Variants in LRP1B observed in about 807,000 individuals in gnomAD.
The protein encoded by LRP1B is low-density lipoprotein receptor-related protein 1B.
A neutral mutation model predicts 556.6 loss-of-function variants in LRP1B; 217 were observed. The observed-to-expected ratio is 0.39, with a 90% CI of 0.35 to 0.44. The LOEUF is 0.44. Among genes scored for constraint, LRP1B ranks in the 20% least tolerant of loss-of-function variants. LRP1B has a pLI of 1.00. For missense variants in LRP1B, 5,053 were observed against 5,620.8 expected (o/e 0.90, Z 3.23); for synonymous variants, 2,047 against 1,865.8 (o/e 1.10, Z -2.50).
rs1319820276 is a variant in LRP1B, at chr2:141,376,434, G to A, written c.343+103962C>T. Among the ~76,000 whole-genome samples the A allele has an allele frequency of 2.6e-5, 4 of 152,170 alleles. No homozygotes were observed. The East Asian group carries it at 7.8e-4, about 30-fold the overall frequency. ...GCCACAAATCCTCTCCTTACTTCTG[G>A]TGCTTCCCATCACTTCTCTGGTGTA... is the stretch of plus-strand genomic sequence containing the variant. On this transcript the variant is annotated intron_variant, in intron 3 of 90. Coordinates refer to ENST00000389484, the MANE Select transcript of LRP1B (RefSeq NM_018557.3).
At position 140,705,547 on chromosome 2, in the gene LRP1B, A is replaced by C. The variant is rs1301510552; in HGVS notation, c.6024-2994T>G. Reference sequence around the variant, plus strand: ...AAAAAAAAAAAAAAAAAAAAAAAAAAAAAAAAAAAAAAACACAGACACACA... The same window carrying C: ...AAAAAAAAAAAAAAAAAAAAAAAAACAAAAAAAAAAAAACACAGACACACA... On this transcript the variant is annotated intron_variant, in intron 37 of 90. Coordinates refer to ENST00000389484, the MANE Select transcript of LRP1B (RefSeq NM_018557.3). Among the ~76,000 whole-genome samples the C allele has an allele frequency of 7.3e-4, 102 of 139,552 alleles. 1 individual carries two copies. The highest frequency in any genetic ancestry group is 1.9e-3 in the African/African-American group (76 of 39,032). 91.6% of individuals were successfully genotyped at this position (139,552 alleles called of 152,430 possible). A position where few individuals can be genotyped will look rare whatever the true frequency, so the allele number is the denominator to read the frequency against.
At chr2:140,366,346 T>C (rs1682759844) in intron 71 of LRP1B, among the ~76,000 whole-genome samples, 2 of 151,658 alleles carry the variant, frequency 1.3e-5, no homozygotes, top group Non-Finnish European at 1.5e-5. Flanking sequence ...ATTTGGTAGA[T>C]GGTATTGTTC....
intron 68 of LRP1B, among the ~76,000 whole-genome samples, chr2:140,376,132 A>G (rs1392985364): frequency 1.3e-5 from 2 of 152,126 alleles, no homozygotes; most frequent in Non-Finnish European, 2.9e-5. Context: ...TGACTTTACT[A>G]CAATTAATTT....
intron 67 of LRP1B, among the ~76,000 whole-genome samples, chr2:140,383,316 G>T (rs1558844352): frequency 2.0e-5 from 3 of 151,986 alleles, no homozygotes; most frequent in Admixed American, 1.3e-4. Context: ...GTGTGTGTGT[G>T]TGTGTGTTTA....
chr2:141,836,871 T>C (rs1383488316), intron 1 of LRP1B, among the ~76,000 whole-genome samples: 1 of 152,040 alleles, frequency 6.6e-6, no homozygotes, highest in Non-Finnish European at 1.5e-5. Flanking sequence ...AGATTTTCCA[T>C]ATCTTTAGAT....
At chr2:140,746,007 T>G (rs972555021) in intron 35 of LRP1B, among the ~76,000 whole-genome samples, 1 of 150,398 alleles carries the variant, frequency 6.6e-6, no homozygotes, top group East Asian at 2.0e-4. Context: ...ACAAGTAACC[T>G]CTCTGAGCCT....
At chr2:140,322,837 A>C (rs961492917) in intron 81 of LRP1B, among the ~76,000 whole-genome samples, 11 of 152,082 alleles carry the variant, frequency 7.2e-5, no homozygotes, top group South Asian at 6.2e-4. Flanking sequence ...AAGAACCACT[A>C]CTCAAATGCC....
intron 87 of LRP1B, among the ~76,000 whole-genome samples, chr2:140,242,878 A>T (rs1002269516): frequency 6.6e-6 from 1 of 151,102 alleles, no homozygotes; most frequent in Non-Finnish European, 1.5e-5. Flanking sequence ...TTTCTTTTTA[A>T]AAGGATGATG....
rs185010587 is a variant in LRP1B at position 141,890,909 on chromosome 2, G to A, written c.83-80508C>T. Among the ~76,000 whole-genome samples, 14 of 152,182 alleles carry A rather than the reference G, an allele frequency of 9.2e-5. No homozygotes were observed. In the East Asian group the frequency reaches 2.7e-3, roughly 29 times the overall value. On this transcript the variant is annotated intron_variant, in intron 1 of 90. Coordinates refer to ENST00000389484, the MANE Select transcript of LRP1B (RefSeq NM_018557.3). ...TGCATTATTACAAAATGCTGGCTAT[G>A]GGATTTTCTCTGCAAGCAACCCCAT...
Position 141,959,368 on chromosome 2 carries a change from A to T in LRP1B, c.83-148967T>A, listed in dbSNP as rs145747857. 2.9e-3 allele frequency among the ~76,000 whole-genome samples: 435 copies of T among 152,098 alleles called. 3 individuals are homozygous for T. Among genetic ancestry groups the T allele is most frequent in the African/African-American group, 0.01 (418 of 41,536 alleles). ...TACTCAAATACTAATATTGTCACATACTAATGAAATAAAGAGCTTTGCTTC... is the reference window on the plus strand; with the variant it reads ...TACTCAAATACTAATATTGTCACATTCTAATGAAATAAAGAGCTTTGCTTC... On this transcript the variant is annotated intron_variant, in intron 1 of 90. Transcript: ENST00000389484.
At chr2:140,357,093 T>G (rs1401214783) in intron 74 of LRP1B, among the ~76,000 whole-genome samples, 1 of 151,760 alleles carries the variant, frequency 6.6e-6, no homozygotes, top group African/African-American at 2.4e-5. Context: ...AGTTGCAATT[T>G]TATTACTTTA....
At chr2:140,371,787 T>C (rs1683012176) in intron 69 of LRP1B, among the ~76,000 whole-genome samples, 1 of 152,018 alleles carries the variant, frequency 6.6e-6, no homozygotes, top group South Asian at 2.1e-4. Context: ...ATCTATTTGG[T>C]TGCATTGACA....
chr2:140,496,481 T>A (rs998754035), intron 55 of LRP1B, among the ~76,000 whole-genome samples: 2 of 152,292 alleles, frequency 1.3e-5, no homozygotes, highest in Non-Finnish European at 2.9e-5. Flanking sequence ...AGATGTTTTT[T>A]ATCTTAATAA....
chr2:141,627,605 T>C (rs1688748253), intron 2 of LRP1B, among the ~76,000 whole-genome samples: 1 of 152,184 alleles, frequency 6.6e-6, no homozygotes, highest in African/African-American at 2.4e-5. Flanking sequence ...CTAGGTTGCA[T>C]ACTCCTTATG....
chr2:140,837,301 A>C (rs939236360), intron 31 of LRP1B, among the ~76,000 whole-genome samples: 1 of 152,320 alleles, frequency 6.6e-6, no homozygotes, highest in East Asian at 1.9e-4. Flanking sequence ...AATGGAGTCT[A>C]AAATAATTTA....
chr2:140,320,818 G>A (rs907242157), intron 82 of LRP1B, among the ~76,000 whole-genome samples: 15 of 152,160 alleles, frequency 9.9e-5, no homozygotes, highest in East Asian at 7.8e-4. Flanking sequence ...TTAGGCAGGC[G>A]GATCACCTGA....
intron 81 of LRP1B, among the ~76,000 whole-genome samples, chr2:140,322,829 G>T (rs1680222134): frequency 1.3e-5 from 2 of 151,956 alleles, no homozygotes; most frequent in Admixed American, 6.6e-5. Flanking sequence ...TTTTCTGGAA[G>T]AACCACTACT....
chr2:140,828,083 G>A (rs1416654293), intron 31 of LRP1B, among the ~76,000 whole-genome samples: 2 of 151,920 alleles, frequency 1.3e-5, no homozygotes, highest in Admixed American at 6.6e-5. Flanking sequence ...GAGGGAACTC[G>A]CAATCACTAG....
intron 1 of LRP1B, among the ~76,000 whole-genome samples, chr2:142,111,095 C>A (rs1212905073): frequency 2.6e-5 from 4 of 152,108 alleles, no homozygotes. Flanking sequence ...TCACTGATTT[C>A]TAAGCATTAA....
Sources: gnomAD v4.1 joint callset for allele counts (sites outside exome capture counted in the v4.1 genomes callset) on GRCh38, gnomAD v4.1.1 for gene constraint, MANE v1.5 for transcripts, NCBI Gene and HGNC (gene_info 2026-07-23, HGNC 2026-07-21) for gene names.